Variants in DNAH6 observed in about 807,000 individuals in gnomAD.
The protein encoded by DNAH6 is axonemal beta dynein heavy chain 6.
A neutral mutation model predicts 491.4 loss-of-function variants in DNAH6; 340 were observed. That is an observed-to-expected ratio of 0.69 (90% CI 0.63 to 0.76). The LOEUF is 0.76. DNAH6 is among the 30% of genes least tolerant of loss of function. The pLI is 0.00. For missense variants in DNAH6, 4,443 were observed against 4,972.2 expected (o/e 0.89, Z 3.20); for synonymous variants, 1,603 against 1,686.1 (o/e 0.95, Z 1.21).
At chr2:84,619,977 A>G in intron 24 of DNAH6, 73 bp downstream of exon 24, 2 of 1,272,062 alleles carry the variant, frequency 1.6e-6, no homozygotes, top group Non-Finnish European at 2.2e-6. Context: ...CACTCTAAGC[A>G]TACAGGTACT....
Position 84,685,441 on chromosome 2 carries a change from CTATTTCCATGT to C in DNAH6, c.7037_7047del (p.Phe2346SerfsTer14). On this transcript the variant is annotated frameshift_variant, in exon 43 of 77. Coordinates refer to ENST00000389394, the MANE Select transcript of DNAH6 (RefSeq NM_001370.2). LOFTEE classifies it high-confidence loss of function. ...GCTTGATTAATAATGAAGATAAGCA[CTATTTCCATGT>C]TATTCTGACAGAAATGGCCAGTAAA... The C allele has an allele frequency of 6.7e-7, 1 of 1,503,190 alleles. No homozygotes were observed. The highest frequency in any genetic ancestry group is 8.9e-7 in the Non-Finnish European group (1 of 1,118,794). 93.1% of individuals were successfully genotyped at this position (1,503,190 alleles called of 1,614,324 possible). A position where few individuals can be genotyped will look rare whatever the true frequency, so the allele number is the denominator to read the frequency against.
chr2:84,489,844 GAT>G, the DNAH6 span, among the ~76,000 whole-genome samples: 2 of 152,146 alleles, frequency 1.3e-5, no homozygotes, highest in Non-Finnish European at 1.5e-5. Flanking sequence ...CAGAGTTTCT[GAT>G]TCAGTAGTTC....
At chr2:84,684,819 A>G (rs2085974818) in intron 42 of DNAH6, among the ~76,000 whole-genome samples, 1 of 152,232 alleles carries the variant, frequency 6.6e-6, no homozygotes, top group South Asian at 2.1e-4. Flanking sequence ...TGCAATAACA[A>G]TTTACACTAA....
intron 65 of DNAH6, among the ~76,000 whole-genome samples, chr2:84,782,910 A>G (rs1676827550): frequency 1.3e-5 from 2 of 152,210 alleles, no homozygotes; most frequent in African/African-American, 4.8e-5. Context: ...TAACTAGGAC[A>G]AGAACATTTG....
chr2:84,669,344 T>C lies in DNAH6; in HGVS notation c.6140T>C (p.Leu2047Pro). 2 of 1,549,142 alleles carry C rather than the reference T, an allele frequency of 1.3e-6. No homozygotes were observed. The highest frequency in any genetic ancestry group is 1.7e-4 in the Middle Eastern group (1 of 5,994). ...CATATGGACTTTGACACCAAACGGC[T>C]GGATCCCTGGGAACGAATCATACCT... ...SIHMDFDTKR[L>P]DPWERIIPTF... Residue 2047 changes from leucine to proline, a missense_variant, in exon 38 of 77, where the codon CTG becomes CCG. Leu to Pro is a moderately conservative substitution (Grantham distance 98). This residue lies in a region of DNAH6 where 2,977 missense variants were observed against 3,296.6 expected (regional missense o/e 0.90). Transcript: ENST00000389394.
chr2:84,478,044 C>T, the DNAH6 span, among the ~76,000 whole-genome samples: 1,689 of 152,292 alleles, frequency 0.011, 29 homozygotes, highest in African/African-American at 0.039. Context: ...GACAGGCTTC[C>T]GGGGCTGATG....
chr2:84,527,760 T>C (rs1676740347), intron 3 of DNAH6, among the ~76,000 whole-genome samples: 1 of 152,212 alleles, frequency 6.6e-6, no homozygotes, highest in Non-Finnish European at 1.5e-5. Flanking sequence ...TTGGACAAAG[T>C]ATATTTAATC....
the DNAH6 span, among the ~76,000 whole-genome samples, chr2:84,472,544 G>C: frequency 2.6e-5 from 4 of 152,146 alleles, no homozygotes; most frequent in Non-Finnish European, 4.4e-5. Flanking sequence ...TCTGCCGAGG[G>C]AATTTGGAGA....
Position 84,653,345 on chromosome 2 carries a change from G to A in DNAH6, c.5105G>A (p.Gly1702Glu), listed in dbSNP as rs1457166142. The A allele has an allele frequency of 6.5e-7, 1 of 1,533,760 alleles. No homozygotes were observed. Among genetic ancestry groups the A allele is most frequent in the Non-Finnish European group, 8.8e-7 (1 of 1,137,460 alleles). Residue 1702 changes from glycine (G) to glutamate (E), a missense_variant, in exon 34 of 77, where the codon GGA becomes GAA. Physicochemically the swap from Gly to Glu is moderately conservative, Grantham distance 98. Transcript: ENST00000389394. Reference protein sequence around the residue: ...FSGIISDLFPGVQIPEHDYGI... With the variant: ...FSGIISDLFPEVQIPEHDYGI... ...GGAATCATATCTGACCTTTTTCCTG[G>A]AGTCCAAATTCCAGAACATGATTAT...
intron 30 of DNAH6, among the ~76,000 whole-genome samples, chr2:84,636,276 C>A (rs1230576349): frequency 6.6e-6 from 1 of 152,186 alleles, no homozygotes; most frequent in African/African-American, 2.4e-5. Context: ...AAGTAAATTG[C>A]TCATCATTTC....
intron 50 of DNAH6, among the ~76,000 whole-genome samples, 158 bp downstream of exon 50, chr2:84,703,720 C>A (rs1696161786): frequency 6.6e-6 from 1 of 150,788 alleles, no homozygotes. Flanking sequence ...TTTAGCAATG[C>A]TTTTAAGTTG....
chr2:84,605,643 A>G (rs1685688183), intron 20 of DNAH6, 51 bp downstream of exon 20: 3 of 1,185,864 alleles, frequency 2.5e-6, no homozygotes, highest in Admixed American at 4.2e-5. Flanking sequence ...AGCCACACCT[A>G]GTCTTAAATC....
At chr2:84,545,830 C>T (rs1392686165) in intron 5 of DNAH6, among the ~76,000 whole-genome samples, 2 of 152,096 alleles carry the variant, frequency 1.3e-5, no homozygotes, top group Non-Finnish European at 2.9e-5. Flanking sequence ...GAGTTGTCCT[C>T]GTTTTCTTTT....
intron 33 of DNAH6, among the ~76,000 whole-genome samples, chr2:84,647,117 C>G (rs111585378): frequency 0.14 from 21,626 of 152,054 alleles, 2,504 homozygotes; most frequent in African/African-American, 0.32. Context: ...AAAGTGCTGG[C>G]ATTACAGGTG....
chr2:84,652,107 C>T (rs1690505871), intron 33 of DNAH6, among the ~76,000 whole-genome samples: 4 of 151,934 alleles, frequency 2.6e-5, no homozygotes, highest in Admixed American at 6.6e-5. Context: ...TATTCCTATA[C>T]ATATATCTTT....
At position 84,653,704 on chromosome 2, in the gene DNAH6, C is replaced by A. The variant is rs543133441; in HGVS notation, c.5464C>A (p.Arg1822=). ...AGATGGTTTGATGGCACTAAGTGTC[C>A]GAGCAGCTGTGAATGATACTTCAGA... ...WKDGLMALSV[R]AAVNDTSEDH... The change falls in exon 34 of 77, where the codon CGA becomes AGA. Residue 1822 remains arginine, a synonymous_variant. Transcript: ENST00000389394. The A allele has an allele frequency of 1.4e-4, 220 of 1,551,098 alleles. 7 individuals are homozygous for A. The South Asian group carries it at 2.5e-3, about 17-fold the overall frequency.
chr2:84,512,352 A>G (rs1215788509), upstream of DNAH6, among the ~76,000 whole-genome samples: 1 of 152,164 alleles, frequency 6.6e-6, no homozygotes. Flanking sequence ...GCAAGAGAAT[A>G]TATGAGAGAA....
chr2:84,470,615 C>T, the DNAH6 span, among the ~76,000 whole-genome samples: 8 of 152,246 alleles, frequency 5.3e-5, no homozygotes, highest in Middle Eastern at 3.4e-3. Flanking sequence ...TGGGCCAGCT[C>T]CTTTACTGCA....
the DNAH6 span, among the ~76,000 whole-genome samples, chr2:84,488,452 A>G: frequency 1.1e-3 from 173 of 152,270 alleles, no homozygotes; most frequent in African/African-American, 3.3e-3. Flanking sequence ...AGTTAAATCT[A>G]AATTAAAGTA....
Sources: allele counts gnomAD v4.1 joint callset (sites outside exome capture counted in the v4.1 genomes callset), GRCh38; gene constraint gnomAD v4.1.1; regional missense constraint gnomAD v4.1.1; transcripts MANE v1.5; gene names NCBI Gene and HGNC (gene_info 2026-07-23, HGNC 2026-07-21).